LRRK1: variants seen among roughly 807,000 people sequenced by gnomAD.
LRRK1 encodes leucine-rich repeat serine/threonine-protein kinase 1.
In LRRK1, 113 loss-of-function variants were observed where a neutral mutation model predicts 209.1. The observed-to-expected ratio is 0.54, with a 90% CI of 0.46 to 0.63. The LOEUF (loss-of-function observed/expected upper bound fraction) is 0.63. Among genes scored for constraint, LRRK1 ranks in the 30% least tolerant of loss-of-function variants. The pLI, the probability that LRRK1 is intolerant of heterozygous loss-of-function variation, is 0.00. For missense variants in LRRK1, 2,284 were observed against 2,632.2 expected, an observed-to-expected ratio of 0.87 and a Z score of 2.89; for synonymous variants, 1,144 against 1,099.7, an observed-to-expected ratio of 1.04 and a Z score of -0.80.
At chr15:101,011,191 G>C (rs78704991) in intron 9 of LRRK1, among the ~76,000 whole-genome samples, 1 of 152,000 alleles carries the variant, frequency 6.6e-6, no homozygotes, top group Non-Finnish European at 1.5e-5. Context: ...AAATCAGGCC[G>C]GGCGCTATGG....
intron 20 of LRRK1, among the ~76,000 whole-genome samples, chr15:101,029,514 T>C (rs756770097): frequency 1.4e-5 from 2 of 144,748 alleles, no homozygotes; most frequent in Admixed American, 6.7e-5. Context: ...AAGGATGTCA[T>C]TAAAAATAAT....
At chr15:101,012,273 T>A (rs966816068) in intron 10 of LRRK1, 128 bp downstream of exon 10, 7 of 937,934 alleles carry the variant, frequency 7.5e-6, no homozygotes, top group Non-Finnish European at 9.7e-6. Context: ...GAAGAAAAAG[T>A]TCAGCTATCA....
intron 20 of LRRK1, among the ~76,000 whole-genome samples, chr15:101,029,479 A>G (rs2034189443): frequency 7.0e-6 from 1 of 143,684 alleles, no homozygotes; most frequent in African/African-American, 3.0e-5. Flanking sequence ...AAATCCACTT[A>G]TTGAAAAGGT....
intron 2 of LRRK1, among the ~76,000 whole-genome samples, chr15:100,945,862 G>A (rs2042531494): frequency 6.6e-6 from 1 of 152,108 alleles, no homozygotes; most frequent in Non-Finnish European, 1.5e-5. Context: ...CGCTGTTAGT[G>A]TCGGCACGGT....
chr15:100,986,548 A>G (rs932326391), intron 4 of LRRK1, among the ~76,000 whole-genome samples: 3 of 152,252 alleles, frequency 2.0e-5, no homozygotes, highest in African/African-American at 7.2e-5. Flanking sequence ...ACTCAGACAC[A>G]GGTGTACGGT....
At chr15:100,921,457 C>A (rs556331465) in intron 1 of LRRK1, among the ~76,000 whole-genome samples, 3 of 152,312 alleles carry the variant, frequency 2.0e-5, no homozygotes, top group South Asian at 2.1e-4. Flanking sequence ...CATGGGCTAA[C>A]CATTTTGACC....
chr15:101,015,775 C>A (rs1213604026), intron 12 of LRRK1, among the ~76,000 whole-genome samples: 1 of 152,180 alleles, frequency 6.6e-6, no homozygotes, highest in East Asian at 1.9e-4. Flanking sequence ...GAGACTGAGG[C>A]TCCCAGGGTG....
At chr15:100,940,098 C>T (rs1473255468) in intron 2 of LRRK1, among the ~76,000 whole-genome samples, 1 of 152,192 alleles carries the variant, frequency 6.6e-6, no homozygotes, top group African/African-American at 2.4e-5. Context: ...TGCACTGTTT[C>T]TCCAAGAATC....
intron 12 of LRRK1, among the ~76,000 whole-genome samples, chr15:101,018,540 C>A (rs531064796): frequency 5.3e-5 from 8 of 152,126 alleles, no homozygotes; most frequent in Non-Finnish European, 1.0e-4. Flanking sequence ...AATGCCGAAT[C>A]CTTCCTGGGA....
chr15:101,058,913 C>CTGGA (rs1172749696), intron 29 of LRRK1, among the ~76,000 whole-genome samples: 1 of 152,160 alleles, frequency 6.6e-6, no homozygotes, highest in African/African-American at 2.4e-5. Context: ...AAGACGGCAT[C>CTGGA]TGGAGTGTGA....
chr15:100,951,011 G>A (rs1054484986), intron 2 of LRRK1, among the ~76,000 whole-genome samples: 1 of 152,242 alleles, frequency 6.6e-6, no homozygotes, highest in African/African-American at 2.4e-5. Context: ...GCTGAGGCAG[G>A]AGAATGGCGT....
chr15:101,059,049 G>A (rs145108968), intron 29 of LRRK1, among the ~76,000 whole-genome samples: 8 of 152,096 alleles, frequency 5.3e-5, no homozygotes, highest in Non-Finnish European at 7.4e-5. Context: ...TATGCCACTC[G>A]GACTGAGGGT....
chr15:100,988,009 C>T (rs2031960541), intron 4 of LRRK1, among the ~76,000 whole-genome samples: 2 of 152,150 alleles, frequency 1.3e-5, no homozygotes, highest in Admixed American at 1.3e-4. Flanking sequence ...CATCACTCGG[C>T]ATTATCTGAC....
rs2036722583 is a variant in LRRK1 at position 101,069,854 on chromosome 15, C to G, written c.*1006C>G. Reference sequence around the variant, plus strand: ...GGGGATTTATGGATACAACAGCAAACATTTTATAAACTATGCACATGCATT... The same window carrying G: ...GGGGATTTATGGATACAACAGCAAAGATTTTATAAACTATGCACATGCATT... On this transcript the variant is annotated 3_prime_UTR_variant, in exon 34 of 34. Coordinates refer to ENST00000388948, the MANE Select transcript of LRRK1 (RefSeq NM_024652.6). 1 of 152,380 alleles carries G rather than the reference C, an allele frequency of 6.6e-6. No individual in the cohort carries two copies. The highest frequency in any genetic ancestry group is 1.5e-5 in the Non-Finnish European group (1 of 68,042). 9.4% of individuals were successfully genotyped at this position (152,380 alleles called of 1,614,324 possible).
rs540290970 is a variant in LRRK1 at position 100,919,968 on chromosome 15, G to C, written c.-123+517G>C. On this transcript the variant is annotated intron_variant, in intron 1 of 33. Coordinates refer to ENST00000388948, the MANE Select transcript of LRRK1 (RefSeq NM_024652.6). This position sits in a 1 kb window ranked among gnomAD's most constrained non-coding sequence, Gnocchi z 5.8. ...CTCTCGCTGGTCCGGGGCTTCCTGG[G>C]GTTGCGGGGCGGCCCAGCGAGGCTT... is the stretch of plus-strand genomic sequence containing the variant. 6.6e-6 allele frequency: 1 copy of C among 152,614 alleles called. No individual in the cohort carries two copies. The highest frequency in any genetic ancestry group is 2.4e-5 in the African/African-American group (1 of 41,594). The allele number at this position is 152,614 out of a possible 1,614,324, so 9.5% of individuals were successfully genotyped here.
chr15:101,010,940 C>T (rs905118588), intron 9 of LRRK1, 103 bp downstream of exon 9: 3 of 1,028,334 alleles, frequency 2.9e-6, no homozygotes, highest in South Asian at 1.6e-5. Context: ...CCCTCAGCAG[C>T]GAAGCCGGGT....
intron 6 of LRRK1, among the ~76,000 whole-genome samples, chr15:100,992,822 C>T (rs1401571398): frequency 1.3e-5 from 2 of 152,186 alleles, no homozygotes; most frequent in Non-Finnish European, 2.9e-5. Context: ...GTGTGCAACA[C>T]CACACCAAGC....
intron 2 of LRRK1, among the ~76,000 whole-genome samples, chr15:100,972,335 T>TATGAGAGA (rs754464630): frequency 2.0e-4 from 21 of 106,176 alleles, no homozygotes; most frequent in South Asian, 1.1e-3. Context: ...TATATATATA[T>TATGAGAGA]GAGAGAGAGA....
rs1391946904 is a variant in LRRK1 at position 101,021,081 on chromosome 15, A to C, written c.1638A>C (p.Leu546=). 3.7e-6 allele frequency: 6 copies of C among 1,614,026 alleles called. No individual in the cohort carries two copies. The highest frequency in any genetic ancestry group is 5.1e-6 in the Non-Finnish European group (6 of 1,180,006). Residue 546 remains leucine, a synonymous_variant, in exon 13 of 34, where the codon CTA becomes CTC. Transcript: ENST00000388948. ...AASVLEFPAF[L]SESLEVLCLN... Reference sequence around the variant, plus strand: ...GTGTGCTGGAATTTCCGGCCTTCCTAAGTGAGTCTTTGGAAGTCCTTTGCC... The same window carrying C: ...GTGTGCTGGAATTTCCGGCCTTCCTCAGTGAGTCTTTGGAAGTCCTTTGCC...
Sources: allele counts gnomAD v4.1 joint callset (sites outside exome capture counted in the v4.1 genomes callset), GRCh38; gene constraint gnomAD v4.1.1; non-coding constraint Gnocchi (gnomAD v3.1); transcripts MANE v1.5; gene names NCBI Gene and HGNC (gene_info 2026-07-23, HGNC 2026-07-21).